Variants in TCF4 observed in about 807,000 individuals in gnomAD.
The protein encoded by TCF4 is transcription factor 4.
TCF4 carries 3 observed loss-of-function variants against 82.1 expected under a neutral mutation model. The observed-to-expected ratio is 0.04, with a 90% CI of 0.02 to 0.09. The LOEUF is 0.09. TCF4 is among the 10% of genes least tolerant of loss of function. The probability of loss-of-function intolerance (pLI) is 1.00; values close to 1 mark genes in which losing one functional copy is unlikely to be tolerated. For synonymous variants in TCF4, 276 were observed against 309.6 expected, an observed-to-expected ratio of 0.89 and a Z score of 1.14; for missense variants, 518 against 852.7, an observed-to-expected ratio of 0.61 and a Z score of 4.89.
At chr18:55,548,596 T>C (rs1033996745) in intron 3 of TCF4, among the ~76,000 whole-genome samples, 5 of 152,194 alleles carry the variant, frequency 3.3e-5, no homozygotes, top group African/African-American at 1.2e-4. Flanking sequence ...AGAAATACAT[T>C]AGGTGATTTC....
At chr18:55,522,271 A>G (rs1445562415) in intron 3 of TCF4, among the ~76,000 whole-genome samples, 2 of 152,228 alleles carry the variant, frequency 1.3e-5, no homozygotes, top group African/African-American at 4.8e-5. Context: ...TAGCCTCAAC[A>G]TCACAGAATA....
intron 15 of TCF4, among the ~76,000 whole-genome samples, chr18:55,247,625 C>T (rs768763318): frequency 1.3e-5 from 2 of 152,166 alleles, no homozygotes; most frequent in African/African-American, 4.8e-5. Context: ...GTTCAGTTTG[C>T]GGTTCCACAC....
intron 11 of TCF4, chr18:55,267,439 C>A (rs567826150): frequency 6.6e-6 from 1 of 152,044 alleles, no homozygotes; most frequent in Non-Finnish European, 1.5e-5. Flanking sequence ...TGACTTCTAC[C>A]ACACTCAAAA....
intron 6 of TCF4, among the ~76,000 whole-genome samples, chr18:55,390,249 A>C (rs1480641459): frequency 6.7e-6 from 1 of 150,270 alleles, no homozygotes; most frequent in African/African-American, 2.5e-5. Context: ...CCGGGAGTTC[A>C]AGACCAGCCT....
At chr18:55,422,138 A>C (rs1305385208) in intron 5 of TCF4, 24 of 881,390 alleles carry the variant, frequency 2.7e-5, no homozygotes, top group Non-Finnish European at 3.3e-5. Flanking sequence ...AAAAAAAAAA[A>C]AAAAAAAAAA....
chr18:55,390,561 A>G (rs1404088043), intron 6 of TCF4, among the ~76,000 whole-genome samples: 1 of 151,456 alleles, frequency 6.6e-6, no homozygotes, highest in Non-Finnish European at 1.5e-5. Flanking sequence ...TTCTAGAGCT[A>G]TATGTGTAAC....
At chr18:55,449,720 T>C (rs1265911610) in intron 5 of TCF4, among the ~76,000 whole-genome samples, 4 of 152,242 alleles carry the variant, frequency 2.6e-5, no homozygotes, top group Admixed American at 6.5e-5. Flanking sequence ...TCTTACTTTG[T>C]GATCTATCGC....
intron 3 of TCF4, among the ~76,000 whole-genome samples, chr18:55,467,540 G>C (rs1021768237): frequency 6.6e-6 from 1 of 152,092 alleles, no homozygotes; most frequent in African/African-American, 2.4e-5. Flanking sequence ...TGTAACACAA[G>C]ACAAATGCAT....
intron 8 of TCF4, among the ~76,000 whole-genome samples, chr18:55,346,229 C>A (rs1024906768): frequency 6.6e-5 from 10 of 152,246 alleles, no homozygotes; most frequent in African/African-American, 2.2e-4. Context: ...TTTAAGAATT[C>A]TTTCCTTATG....
At chr18:55,370,155 T>C (rs916653220) in intron 6 of TCF4, among the ~76,000 whole-genome samples, 2 of 152,164 alleles carry the variant, frequency 1.3e-5, no homozygotes, top group African/African-American at 2.4e-5. Flanking sequence ...CCCGGCACTT[T>C]GCGGGGCTGA....
intron 5 of TCF4, among the ~76,000 whole-genome samples, chr18:55,457,348 G>T (rs1781420146): frequency 6.6e-6 from 1 of 152,210 alleles, no homozygotes; most frequent in Admixed American, 6.5e-5. Flanking sequence ...CATACATTGT[G>T]TGTATGGGTG....
chr18:55,518,122 G>A (rs986450747), intron 3 of TCF4, among the ~76,000 whole-genome samples: 4 of 152,152 alleles, frequency 2.6e-5, no homozygotes, highest in Non-Finnish European at 4.4e-5. Context: ...TTTAGATCTT[G>A]AAACTAGCTG....
At chr18:55,386,782 TC>T (rs1295998492) in intron 6 of TCF4, among the ~76,000 whole-genome samples, 1 of 152,198 alleles carries the variant, frequency 6.6e-6, no homozygotes, top group Non-Finnish European at 1.5e-5. Flanking sequence ...TCTGAATTTC[TC>T]TTTCACCAGT....
rs540240661 is a variant in TCF4 at position 55,239,540 on chromosome 18, T to A, written c.1351-4857A>T. 2.6e-5 allele frequency among the ~76,000 whole-genome samples: 4 copies of A among 152,246 alleles called. No homozygotes were observed. The East Asian group carries it at 5.8e-4, about 22-fold the overall frequency. On this transcript the variant is annotated intron_variant, in intron 15 of 19. Transcript: ENST00000354452. ...CCATACATGTATACACACACCTAGG[T>A]ACAAGCATATAACATACATATATAT...
intron 3 of TCF4, among the ~76,000 whole-genome samples, chr18:55,470,014 G>T (rs1317959260): frequency 1.3e-5 from 2 of 152,052 alleles, no homozygotes; most frequent in African/African-American, 4.8e-5. Context: ...TTTGCCCTGG[G>T]GACATCTGTC....
intron 3 of TCF4, among the ~76,000 whole-genome samples, chr18:55,577,592 A>G (rs2097541721): frequency 6.6e-6 from 1 of 152,092 alleles, no homozygotes; most frequent in Non-Finnish European, 1.5e-5. Context: ...CCAGAGTTTC[A>G]ATAACCTGCA....
At chr18:55,622,495 C>A in intron 2 of TCF4, among the ~76,000 whole-genome samples, 1 of 133,064 alleles carries the variant, frequency 7.5e-6, no homozygotes. Context: ...CAGAGCGAGA[C>A]TCAATCTTAA....
intron 3 of TCF4, chr18:55,510,823 G>T: frequency 9.1e-7 from 1 of 1,103,402 alleles, no homozygotes; most frequent in Non-Finnish European, 1.1e-6. Flanking sequence ...AAGGGGAAAT[G>T]ATACTGGCTG....
chr18:55,400,161 C>T (rs912536191), intron 6 of TCF4, among the ~76,000 whole-genome samples: 2 of 152,056 alleles, frequency 1.3e-5, no homozygotes, highest in East Asian at 1.9e-4. Context: ...GACATTTTTT[C>T]CCTTCTGGCA....
Sources: allele counts gnomAD v4.1 joint callset (sites outside exome capture counted in the v4.1 genomes callset), GRCh38; gene constraint gnomAD v4.1.1; transcripts MANE v1.5; gene names NCBI Gene and HGNC (gene_info 2026-07-23, HGNC 2026-07-21).